The following UNC5B variants were observed in gnomAD, a reference collection of about 807,000 sequenced individuals.
The protein encoded by UNC5B is unc-5 netrin receptor B, also known as netrin receptor UNC5B.
In UNC5B, 56 loss-of-function variants were observed where a neutral mutation model predicts 103.7. The ratio of observed to expected loss-of-function variants is 0.54; its 90% CI spans 0.44 to 0.67. The LOEUF (loss-of-function observed/expected upper bound fraction) is 0.67. Ranked by LOEUF, UNC5B falls within the 30% of genes least tolerant of loss-of-function variation. The pLI is 0.00. For synonymous variants in UNC5B, 577 were observed against 542.0 expected, an observed-to-expected ratio of 1.06 and a Z score of -0.90; for missense variants, 1,194 against 1,284.5, an observed-to-expected ratio of 0.93 and a Z score of 1.08.
At chr10:71,241,308 C>G (rs555104275) in intron 1 of UNC5B, among the ~76,000 whole-genome samples, 1 of 152,228 alleles carries the variant, frequency 6.6e-6, no homozygotes, top group African/African-American at 2.4e-5. Context: ...GAAGGCCCCC[C>G]CAGAGAGTCT....
At chr10:71,258,279 C>A (rs1172088078) in intron 1 of UNC5B, among the ~76,000 whole-genome samples, 1 of 152,192 alleles carries the variant, frequency 6.6e-6, no homozygotes, top group Non-Finnish European at 1.5e-5. Context: ...CAGGGCAGGG[C>A]AGATGCAGGG....
At position 71,292,539 on chromosome 10, in the gene UNC5B, A is replaced by C; in HGVS notation, c.1757A>C (p.Lys586Thr). 6.2e-7 allele frequency: 1 copy of C among 1,604,026 alleles called. No homozygotes were observed. The highest frequency in any genetic ancestry group is 8.5e-7 in the Non-Finnish European group (1 of 1,175,406). The change falls in exon 11 of 17, where the codon AAG becomes ACG. Residue 586 changes from lysine to threonine, a missense_variant. Lys to Thr is a moderately conservative substitution (Grantham distance 78). Coordinates refer to ENST00000335350, the MANE Select transcript of UNC5B (RefSeq NM_170744.5). ...KFYEMYLLIN[K>T]AESTLPLSEG... The stretch of plus-strand genomic sequence containing the variant: ...TACGAGATGTATCTACTCATCAACA[A>C]GGCAGAAAGTACCCTGTGAGTAGAG...
chr10:71,270,802 C>T (rs566013390), intron 1 of UNC5B, among the ~76,000 whole-genome samples: 6 of 152,300 alleles, frequency 3.9e-5, no homozygotes, highest in African/African-American at 1.4e-4. Flanking sequence ...CTCAAACTCA[C>T]CCCATGCCAA....
Position 71,213,189 on chromosome 10 carries a change from A to G in UNC5B, c.79+125A>G. ...GAAAAGCGGCAAGGGCGCCCAAGTTAGAATGTAGATTTTACTGCCTCCCAA... is the reference window on the plus strand; with the variant it reads ...GAAAAGCGGCAAGGGCGCCCAAGTTGGAATGTAGATTTTACTGCCTCCCAA... On this transcript the variant is annotated intron_variant, in intron 1 of 16. Transcript: ENST00000335350. The surrounding 1 kb of genome is among the most constrained non-coding windows in gnomAD (Gnocchi z 4.1). 1.3e-6 allele frequency: 1 copy of G among 773,202 alleles called. No homozygotes were observed. Among genetic ancestry groups the G allele is most frequent in the East Asian group, 3.4e-5 (1 of 29,600 alleles). 47.9% of individuals were successfully genotyped at this position (773,202 alleles called of 1,614,324 possible). A position where few individuals can be genotyped will look rare whatever the true frequency, so the allele number is the denominator to read the frequency against.
At chr10:71,276,247 C>G (rs548973510) in intron 1 of UNC5B, among the ~76,000 whole-genome samples, 3 of 152,162 alleles carry the variant, frequency 2.0e-5, no homozygotes, top group Non-Finnish European at 4.4e-5. Context: ...TATTATGGAG[C>G]TCATTGAGTT....
At chr10:71,215,417 G>A (rs1297560399) in intron 1 of UNC5B, among the ~76,000 whole-genome samples, 1 of 152,178 alleles carries the variant, frequency 6.6e-6, no homozygotes, top group Non-Finnish European at 1.5e-5. Flanking sequence ...TTTACTGGGG[G>A]TGTCCAAGCT....
chr10:71,257,866 C>T (rs1834552405), intron 1 of UNC5B, among the ~76,000 whole-genome samples: 1 of 152,238 alleles, frequency 6.6e-6, no homozygotes, highest in African/African-American at 2.4e-5. Flanking sequence ...TCCACAAACA[C>T]CTAGAATCCG....
At chr10:71,215,476 T>C (rs1843310882) in intron 1 of UNC5B, among the ~76,000 whole-genome samples, 1 of 149,138 alleles carries the variant, frequency 6.7e-6, no homozygotes, top group African/African-American at 2.4e-5. Flanking sequence ...CCCCACCCCA[T>C]CCCTGGTGAA....
chr10:71,292,710 A>G (rs1251184539), intron 11 of UNC5B, among the ~76,000 whole-genome samples, 156 bp downstream of exon 11: 1 of 152,238 alleles, frequency 6.6e-6, no homozygotes, highest in African/African-American at 2.4e-5. Context: ...TGCAGAACCA[A>G]CACCGTAAAT....
chr10:71,258,929 G>A (rs978153751), intron 1 of UNC5B, among the ~76,000 whole-genome samples: 1 of 152,256 alleles, frequency 6.6e-6, no homozygotes, highest in Non-Finnish European at 1.5e-5. Context: ...CTGTCCAGGA[G>A]GCAGCTGACA....
At chr10:71,281,082 T>A (rs1844914685) in intron 2 of UNC5B, among the ~76,000 whole-genome samples, 1 of 152,202 alleles carries the variant, frequency 6.6e-6, no homozygotes. Context: ...TCTCACTCTC[T>A]GTCTCCCTGA....
intron 1 of UNC5B, among the ~76,000 whole-genome samples, chr10:71,218,768 G>T (rs1843390950): frequency 1.3e-5 from 2 of 152,244 alleles, no homozygotes. Flanking sequence ...ACCTGGGTCA[G>T]CTTATGCTTC....
rs796510906 is a variant in UNC5B at position 71,271,638 on chromosome 10, A to G, written c.80-8183A>G. On this transcript the variant is annotated intron_variant, in intron 1 of 16. Transcript: ENST00000335350. ...CAGCTCTGTAAGCAGCGTGGCCCCC[A>G]TAGCCAGGCCCGGGCTCATCCCAGC... 2.6e-5 allele frequency among the ~76,000 whole-genome samples: 4 copies of G among 152,278 alleles called. No individual in the cohort carries two copies. The South Asian group carries it at 8.3e-4, about 32-fold the overall frequency.
At chr10:71,220,937 T>G (rs1843440757) in intron 1 of UNC5B, among the ~76,000 whole-genome samples, 1 of 152,182 alleles carries the variant, frequency 6.6e-6, no homozygotes, top group Non-Finnish European at 1.5e-5. Context: ...TTGTTTGGTT[T>G]CCCTTCCCAT....
Position 71,296,746 on chromosome 10 carries a change from A to G in UNC5B, c.2490+4A>G, listed in dbSNP as rs1439941742. 6.2e-7 allele frequency: 1 copy of G among 1,603,798 alleles called. No individual in the cohort carries two copies. The highest frequency in any genetic ancestry group is 8.5e-7 in the Non-Finnish European group (1 of 1,177,532). On this transcript the variant is annotated splice_donor_region_variant and intron_variant, in intron 15 of 16. Coordinates refer to ENST00000335350, the MANE Select transcript of UNC5B (RefSeq NM_170744.5). ...GCTGCATACCACTCTGGCAGAGGTG[A>G]GGGAAGTCGGGGCCACATATTCCAG...
chr10:71,257,753 G>A lies in UNC5B; in HGVS notation c.80-22068G>A, dbSNP rs148157320. 5.4e-3 allele frequency among the ~76,000 whole-genome samples: 816 copies of A among 152,340 alleles called. 4 individuals are homozygous for A. Among genetic ancestry groups the A allele is most frequent in the Non-Finnish European group, 7.3e-3 (497 of 68,034 alleles). On this transcript the variant is annotated intron_variant, in intron 1 of 16. Transcript: ENST00000335350. ...TGACAAGGAGTGAGGAAACAACCGC[G>A]CCTGTTGTAGGGCAAAGAGGAACCT...
rs970602399 is a variant in UNC5B at position 71,213,942 on chromosome 10, T to C, written c.79+878T>C. The stretch of plus-strand genomic sequence containing the variant: ...CGAAATAAAGTCCCTAACCCTCCTC[T>C]CTCGCCGTGGATGAATACGTTTCTC... On this transcript the variant is annotated intron_variant, in intron 1 of 16. Coordinates refer to ENST00000335350, the MANE Select transcript of UNC5B (RefSeq NM_170744.5). The surrounding 1 kb of genome is among the most constrained non-coding windows in gnomAD (Gnocchi z 4.1). 6.6e-6 allele frequency among the ~76,000 whole-genome samples: 1 copy of C among 151,702 alleles called. No homozygotes were observed. The highest frequency in any genetic ancestry group is 1.5e-5 in the Non-Finnish European group (1 of 67,934).
intron 1 of UNC5B, among the ~76,000 whole-genome samples, chr10:71,234,840 C>A (rs1456757509): frequency 3.3e-5 from 5 of 152,218 alleles, no homozygotes; most frequent in African/African-American, 1.2e-4. Flanking sequence ...GCCTCTCTTC[C>A]TCTGCTCTAT....
intron 1 of UNC5B, among the ~76,000 whole-genome samples, chr10:71,263,815 C>T (rs1844467098): frequency 6.6e-6 from 1 of 152,134 alleles, no homozygotes; most frequent in East Asian, 1.9e-4. Flanking sequence ...CCAAGCCAGT[C>T]CTTGAGCCAC....
Sources: allele counts gnomAD v4.1 joint callset (sites outside exome capture counted in the v4.1 genomes callset), GRCh38; gene constraint gnomAD v4.1.1; non-coding constraint Gnocchi (gnomAD v3.1); transcripts MANE v1.5; gene names NCBI Gene and HGNC (gene_info 2026-07-23, HGNC 2026-07-21).